The following PCLO variants were observed in gnomAD, a reference collection of about 807,000 sequenced individuals.
The protein encoded by PCLO is protein piccolo.
PCLO carries 82 observed loss-of-function variants against 427.5 expected under a neutral mutation model. The ratio of observed to expected loss-of-function variants is 0.19; its 90% confidence interval spans 0.16 to 0.23. The LOEUF (loss-of-function observed/expected upper bound fraction) is 0.23, where lower values mean the gene tolerates loss of function less well. Among genes scored for constraint, PCLO ranks in the 10% least tolerant of loss-of-function variants. The pLI is 1.00. For missense variants in PCLO, 6,239 were observed against 6,115.9 expected, an observed-to-expected ratio of 1.02 and a Z score of -0.67; for synonymous variants, 2,357 against 2,155.4, an observed-to-expected ratio of 1.09 and a Z score of -2.59.
rs529396147 is a variant in PCLO at position 82,792,744 on chromosome 7, A to T, written c.15007+8774T>A. 7.9e-5 allele frequency among the ~76,000 whole-genome samples: 12 copies of T among 152,106 alleles called. No homozygotes were observed. In the East Asian group the frequency reaches 2.3e-3, roughly 29 times the overall value. On this transcript the variant is annotated intron_variant, in intron 22 of 24. Transcript: ENST00000333891. ...TGCTAAGAGAAACCCACTGCCAATT[A>T]TTTTTTTTAAATCTGTTTCCTGGGT...
intron 22 of PCLO, among the ~76,000 whole-genome samples, chr7:82,773,525 A>G (rs895636005): frequency 2.0e-5 from 3 of 152,172 alleles, no homozygotes; most frequent in Non-Finnish European, 4.4e-5. Flanking sequence ...TCCTCCTTGC[A>G]GTTTTAACTG....
rs1791101875 is a variant in PCLO at position 82,791,565 on chromosome 7, TA to T, written c.15007+9952del. Among the ~76,000 whole-genome samples the T allele has an allele frequency of 2.2e-5, 3 of 136,866 alleles. No individual in the cohort carries two copies. The South Asian group carries it at 6.4e-4, about 29-fold the overall frequency. The allele number at this position is 136,866 out of a possible 152,430, so 89.8% of individuals were successfully genotyped here. ...ACAGTTTTTAGTGGTACAAAGCAAA[TA>T]ATAGAATATATTGATGATTTTAGAG... On this transcript the variant is annotated intron_variant, in intron 22 of 24. Coordinates refer to ENST00000333891, the MANE Select transcript of PCLO (RefSeq NM_033026.6).
At chr7:83,022,669 C>G (rs1228456052) in intron 3 of PCLO, among the ~76,000 whole-genome samples, 1 of 152,132 alleles carries the variant, frequency 6.6e-6, no homozygotes, top group African/African-American at 2.4e-5. Flanking sequence ...AATAGACACG[C>G]TGATCTTTTA....
intron 21 of PCLO, among the ~76,000 whole-genome samples, chr7:82,802,260 G>GA (rs906605519): frequency 1.9e-5 from 1 of 51,668 alleles, no homozygotes; most frequent in African/African-American, 5.1e-5. Flanking sequence ...TTTTGATTAT[G>GA]AAAAAAAACA....
rs542830369 is a variant in PCLO at position 83,154,814 on chromosome 7, T to G, written c.1827A>C (p.Thr609=). The G allele has an allele frequency of 6.2e-7, 1 of 1,613,652 alleles. No individual in the cohort carries two copies. Among genetic ancestry groups the G allele is most frequent in the Admixed American group, 1.7e-5 (1 of 59,986 alleles). ...AGACAGTGGTTTGACACTCAGTGCATGTGTTAAAATTGGCCTTTTCTGGAA... is the reference window on the plus strand; with the variant it reads ...AGACAGTGGTTTGACACTCAGTGCAGGTGTTAAAATTGGCCTTTTCTGGAA... ...LHVPEKANFN[T]CTECQTTVCS... Residue 609 remains threonine, a synonymous_variant, in exon 2 of 25, where the codon ACA becomes ACC. Transcript: ENST00000333891.
At chr7:82,760,460 G>T (rs2129467523) in intron 24 of PCLO, among the ~76,000 whole-genome samples, 179 bp downstream of exon 24, 1 of 152,056 alleles carries the variant, frequency 6.6e-6, no homozygotes, top group Middle Eastern at 3.4e-3. Flanking sequence ...GCAGCTGATT[G>T]GATGGGGTGA....
intron 3 of PCLO, among the ~76,000 whole-genome samples, chr7:83,121,143 AC>A (rs1791266898): frequency 8.4e-6 from 1 of 119,110 alleles, no homozygotes; most frequent in East Asian, 3.2e-4. Context: ...AAACAAACAA[AC>A]AAACAAACAA....
chr7:82,931,750 G>A (rs1053622030), intron 6 of PCLO, among the ~76,000 whole-genome samples: 29 of 152,058 alleles, frequency 1.9e-4, no homozygotes, highest in African/African-American at 6.5e-4. Context: ...ATAGTCTTTT[G>A]TAACCTAATT....
chr7:82,925,196 A>C (rs1245829620), intron 6 of PCLO, among the ~76,000 whole-genome samples: 1 of 152,270 alleles, frequency 6.6e-6, no homozygotes, highest in African/African-American at 2.4e-5. Flanking sequence ...AAAATCATCT[A>C]AAAAGAGCTA....
chr7:82,845,110 T>C (rs1364677124), intron 13 of PCLO, among the ~76,000 whole-genome samples, 161 bp downstream of exon 13: 1 of 152,144 alleles, frequency 6.6e-6, no homozygotes, highest in Non-Finnish European at 1.5e-5. Flanking sequence ...TTGATCAGTT[T>C]TGTACTCAGA....
intron 10 of PCLO, among the ~76,000 whole-genome samples, chr7:82,859,600 T>C (rs978399004): frequency 2.6e-5 from 4 of 152,088 alleles, no homozygotes; most frequent in South Asian, 2.1e-4. Context: ...ACCAAGTCAT[T>C]TGAAATATCT....
intron 3 of PCLO, among the ~76,000 whole-genome samples, chr7:83,022,978 T>A (rs1197204148): frequency 6.6e-6 from 1 of 152,176 alleles, no homozygotes; most frequent in Non-Finnish European, 1.5e-5. Context: ...TATAAATGCA[T>A]ATATCAAATC....
At chr7:83,034,453 G>C (rs1272377227) in intron 3 of PCLO, among the ~76,000 whole-genome samples, 1 of 152,198 alleles carries the variant, frequency 6.6e-6, no homozygotes, top group Non-Finnish European at 1.5e-5. Flanking sequence ...CCCCCACAGT[G>C]CTGGGATTAT....
At chr7:83,124,665 T>C in intron 3 of PCLO, among the ~76,000 whole-genome samples, 1 of 152,176 alleles carries the variant, frequency 6.6e-6, no homozygotes, top group Non-Finnish European at 1.5e-5. Context: ...CTGCTACGTA[T>C]ACATCCAAAA....
chr7:82,824,574 A>C (rs149894834), intron 18 of PCLO, among the ~76,000 whole-genome samples, 158 bp from the exon 19 acceptor site: 2 of 149,410 alleles, frequency 1.3e-5, no homozygotes, highest in African/African-American at 5.0e-5. Flanking sequence ...TTCTTCACCA[A>C]TGATACTGGA....
intron 19 of PCLO, among the ~76,000 whole-genome samples, chr7:82,823,490 TACC>T (rs1446531681): frequency 6.6e-6 from 1 of 152,180 alleles, no homozygotes; most frequent in Non-Finnish European, 1.5e-5. Flanking sequence ...CTAGGTAAGG[TACC>T]ACATGTTTTA....
rs73706726 is a variant in PCLO at position 82,802,504 on chromosome 7, G to A, written c.14934-913C>T. 3.3e-3 allele frequency among the ~76,000 whole-genome samples: 499 copies of A among 152,234 alleles called. 4 individuals are homozygous for A. The highest frequency in any genetic ancestry group is 0.012 in the African/African-American group (481 of 41,544). On this transcript the variant is annotated intron_variant, in intron 21 of 24. Transcript: ENST00000333891. ...TTAATAATTTAACAGCTAAAGGACAGTAGACCACTTCTTATTTCTTCGGCT... is the reference window on the plus strand; with the variant it reads ...TTAATAATTTAACAGCTAAAGGACAATAGACCACTTCTTATTTCTTCGGCT...
In PCLO at chr7:82,938,297, CTG is replaced by C. The variant is rs1379223661; in HGVS notation, c.11112+11177_11112+11178del. Among the ~76,000 whole-genome samples, 5 of 152,042 alleles carry C rather than the reference CTG, an allele frequency of 3.3e-5. No homozygotes were observed. The East Asian group carries it at 9.6e-4, about 29-fold the overall frequency. ...AAGCACATGTCTTAGAAGCAAGACA[CTG>C]TATTTCTAAGTTTTTCCATGTTTGT... On this transcript the variant is annotated intron_variant, in intron 6 of 24. Coordinates refer to ENST00000333891, the MANE Select transcript of PCLO (RefSeq NM_033026.6).
intron 3 of PCLO, among the ~76,000 whole-genome samples, chr7:82,988,429 C>A (rs1200535436): frequency 6.6e-6 from 1 of 152,056 alleles, no homozygotes; most frequent in Non-Finnish European, 1.5e-5. Flanking sequence ...TTATTCCAAT[C>A]TATTGTTCTA....
Sources: gnomAD v4.1 joint callset for allele counts (sites outside exome capture counted in the v4.1 genomes callset) on GRCh38, gnomAD v4.1.1 for gene constraint, MANE v1.5 for transcripts, NCBI Gene and HGNC (gene_info 2026-07-23, HGNC 2026-07-21) for gene names.